Variants in SNTG1 observed in about 807,000 individuals in gnomAD.
SNTG1 encodes gamma-1-syntrophin.
Under a neutral mutation model 74.7 loss-of-function variants are expected in SNTG1, and 39 were observed. The observed-to-expected ratio is 0.52, with a 90% CI of 0.40 to 0.68. The LOEUF is 0.68. SNTG1 is among the 30% of genes least tolerant of loss of function. The pLI is 0.00. For missense variants in SNTG1, 685 were observed against 609.5 expected (o/e 1.12, Z -1.30); for synonymous variants, 254 against 217.1 (o/e 1.17, Z -1.49).
chr8:50,727,296 G>T (rs1374556927), intron 17 of SNTG1, among the ~76,000 whole-genome samples: 1 of 152,120 alleles, frequency 6.6e-6, no homozygotes, highest in Non-Finnish European at 1.5e-5. Context: ...GAAGAGAGTG[G>T]TTGAGGGGAA....
chr8:50,671,029 T>C (rs904041625), intron 15 of SNTG1, among the ~76,000 whole-genome samples: 5 of 150,596 alleles, frequency 3.3e-5, no homozygotes, highest in Non-Finnish European at 5.9e-5. Flanking sequence ...TTACACCTTA[T>C]ACAAAAATTA....
At chr8:50,554,509 G>A (rs1005520787) in intron 12 of SNTG1, among the ~76,000 whole-genome samples, 5 of 148,954 alleles carry the variant, frequency 3.4e-5, no homozygotes, top group African/African-American at 1.2e-4. Context: ...TTCCAGGATA[G>A]GTGTAAATAC....
At chr8:50,506,505 C>G (rs888247474) in intron 9 of SNTG1, among the ~76,000 whole-genome samples, 1 of 152,016 alleles carries the variant, frequency 6.6e-6, no homozygotes, top group East Asian at 1.9e-4. Context: ...TTATTTGTTT[C>G]ATCTTTAATT....
intron 2 of SNTG1, chr8:50,382,365 C>G (rs2092502368): frequency 6.6e-6 from 1 of 151,972 alleles, no homozygotes; most frequent in South Asian, 2.1e-4. Flanking sequence ...ATGGCTGGCA[C>G]TTGTTAGTTG....
At chr8:50,086,992 G>A (rs1822948628) in intron 1 of SNTG1, among the ~76,000 whole-genome samples, 1 of 152,096 alleles carries the variant, frequency 6.6e-6, no homozygotes, top group African/African-American at 2.4e-5. Flanking sequence ...CACTTCTAAG[G>A]CAAGGTCATT....
chr8:50,038,251 C>T (rs1358737515), intron 1 of SNTG1, among the ~76,000 whole-genome samples: 1 of 152,144 alleles, frequency 6.6e-6, no homozygotes, highest in Non-Finnish European at 1.5e-5. Flanking sequence ...AGCATCCAGA[C>T]AAAAGGCAAG....
intron 1 of SNTG1, among the ~76,000 whole-genome samples, chr8:50,031,134 A>G (rs1471196132): frequency 6.6e-6 from 1 of 151,990 alleles, no homozygotes; most frequent in Non-Finnish European, 1.5e-5. Context: ...TCTTACTAAT[A>G]CATATAAATA....
At chr8:50,637,973 A>C (rs1309367195) in intron 13 of SNTG1, among the ~76,000 whole-genome samples, 1 of 152,098 alleles carries the variant, frequency 6.6e-6, no homozygotes, top group African/African-American at 2.4e-5. Flanking sequence ...CTTTGCTTTC[A>C]AAACATGACT....
intron 13 of SNTG1, among the ~76,000 whole-genome samples, chr8:50,617,091 A>G (rs2094889904): frequency 6.6e-6 from 1 of 152,122 alleles, no homozygotes; most frequent in Admixed American, 6.5e-5. Context: ...TATCATCTCT[A>G]TTGTCCTGTG....
At chr8:50,243,040 A>G (rs2086235682) in intron 2 of SNTG1, among the ~76,000 whole-genome samples, 1 of 152,156 alleles carries the variant, frequency 6.6e-6, no homozygotes, top group South Asian at 2.1e-4. Flanking sequence ...TTGACACAAA[A>G]TAAATAAATT....
intron 10 of SNTG1, among the ~76,000 whole-genome samples, chr8:50,533,122 A>G (rs1477571432): frequency 6.6e-6 from 1 of 152,222 alleles, no homozygotes; most frequent in Non-Finnish European, 1.5e-5. Context: ...TTTGCCAACC[A>G]AGACCTTGGC....
In SNTG1 at chr8:50,058,589, G is replaced by C. The variant is rs140313344; in HGVS notation, c.-102-113972G>C. On this transcript the variant is annotated intron_variant, in intron 1 of 18. Coordinates refer to ENST00000642720, the MANE Select transcript of SNTG1 (RefSeq NM_018967.5). ...ACTTTGAGGATTGACATGCAGTTGT[G>C]AAGTTATATGCGATGATCCTGAGTA... Among the ~76,000 whole-genome samples, 880 of 152,150 alleles carry C rather than the reference G, an allele frequency of 5.8e-3. 5 individuals are homozygous for C. Among genetic ancestry groups the C allele is most frequent in the Non-Finnish European group, 7.9e-3 (539 of 67,988 alleles).
chr8:49,940,129 G>T (rs1808550315), intron 1 of SNTG1, among the ~76,000 whole-genome samples: 1 of 152,166 alleles, frequency 6.6e-6, no homozygotes, highest in Admixed American at 6.5e-5. Flanking sequence ...CCAATACAGA[G>T]AAATTGCACA....
chr8:50,129,524 C>T (rs2081252767), intron 1 of SNTG1, among the ~76,000 whole-genome samples: 1 of 152,066 alleles, frequency 6.6e-6, no homozygotes, highest in Non-Finnish European at 1.5e-5. Flanking sequence ...GTCAGCAAAG[C>T]ACAAGCTACT....
At chr8:50,470,548 T>C (rs1255047466) in intron 8 of SNTG1, among the ~76,000 whole-genome samples, 2 of 151,848 alleles carry the variant, frequency 1.3e-5, no homozygotes, top group Non-Finnish European at 2.9e-5. Context: ...AGGTGGCGCG[T>C]CCAGAGTTGT....
At chr8:50,484,389 G>A (rs2093771987) in intron 8 of SNTG1, among the ~76,000 whole-genome samples, 1 of 151,162 alleles carries the variant, frequency 6.6e-6, no homozygotes, top group South Asian at 2.1e-4. Flanking sequence ...CTAATTTTTT[G>A]TATTTAGTAG....
intron 1 of SNTG1, among the ~76,000 whole-genome samples, chr8:50,058,339 C>T (rs1051856863): frequency 1.3e-5 from 2 of 151,974 alleles, no homozygotes; most frequent in Non-Finnish European, 2.9e-5. Context: ...GTAGAAATCC[C>T]GATCAGTGGT....
intron 1 of SNTG1, among the ~76,000 whole-genome samples, chr8:50,090,415 C>G (rs1001063824): frequency 1.3e-5 from 2 of 152,142 alleles, no homozygotes; most frequent in African/African-American, 4.8e-5. Context: ...TCATGCAAGA[C>G]AGGCTTTCCC....
chr8:50,792,900 C>A lies in SNTG1; in HGVS notation c.*71C>A. The A allele has an allele frequency of 7.0e-7, 1 of 1,438,740 alleles. No individual in the cohort carries two copies. The highest frequency in any genetic ancestry group is 9.2e-7 in the Non-Finnish European group (1 of 1,085,572). The allele number at this position is 1,438,740 out of a possible 1,614,324, so 89.1% of individuals were successfully genotyped here. Reference sequence around the variant, plus strand: ...ACACATTTACTCATCATTTTAGACCCTAGAGAAACCATAACATCACCAAGT... The same window carrying A: ...ACACATTTACTCATCATTTTAGACCATAGAGAAACCATAACATCACCAAGT... On this transcript the variant is annotated 3_prime_UTR_variant, in exon 19 of 19. Coordinates refer to ENST00000642720, the MANE Select transcript of SNTG1 (RefSeq NM_018967.5).
Sources: allele counts gnomAD v4.1 joint callset (sites outside exome capture counted in the v4.1 genomes callset), GRCh38; gene constraint gnomAD v4.1.1; transcripts MANE v1.5; gene names NCBI Gene and HGNC (gene_info 2026-07-23, HGNC 2026-07-21).